Variants in EGLN1 observed in about 807,000 individuals in gnomAD.
EGLN1 encodes egl-9 family hypoxia inducible factor 1.
In EGLN1, 17 loss-of-function variants were observed where a neutral mutation model predicts 38.3. The ratio of observed to expected loss-of-function variants is 0.44; its 90% CI spans 0.30 to 0.67. EGLN1 has a LOEUF of 0.67. Among genes scored for constraint, EGLN1 ranks in the 30% least tolerant of loss-of-function variants. The pLI, the probability that EGLN1 is intolerant of heterozygous loss-of-function variation, is 0.08. For missense variants in EGLN1, 477 were observed against 603.3 expected (o/e 0.79, Z 2.19); for synonymous variants, 283 against 257.5 (o/e 1.10, Z -0.95).
At chr1:231,401,203 T>C (rs1262369312) in intron 1 of EGLN1, among the ~76,000 whole-genome samples, 26 of 152,190 alleles carry the variant, frequency 1.7e-4, no homozygotes, top group Non-Finnish European at 1.5e-5. Flanking sequence ...AATCAAACTA[T>C]CCTGGTTTAC....
chr1:231,369,075 C>A (rs1011077771), intron 3 of EGLN1, among the ~76,000 whole-genome samples: 47 of 152,136 alleles, frequency 3.1e-4, no homozygotes, highest in African/African-American at 9.4e-4. Context: ...AGCCTTATCA[C>A]CCATTCTAGA....
At chr1:231,401,660 G>GT (rs1274859145) in intron 1 of EGLN1, among the ~76,000 whole-genome samples, 2 of 152,122 alleles carry the variant, frequency 1.3e-5, no homozygotes, top group African/African-American at 4.8e-5. Context: ...TAAAAGACTA[G>GT]TTCACTTCAT....
chr1:231,410,533 G>A (rs1347200601), intron 1 of EGLN1, among the ~76,000 whole-genome samples: 12 of 152,152 alleles, frequency 7.9e-5, no homozygotes, highest in Non-Finnish European at 2.9e-5. Flanking sequence ...CATAACAAAT[G>A]TGTGTTGTTT....
chr1:231,409,219 T>C (rs575867438), intron 1 of EGLN1, among the ~76,000 whole-genome samples: 76 of 149,396 alleles, frequency 5.1e-4, no homozygotes, highest in Admixed American at 1.1e-3. Context: ...ACTTAACCTT[T>C]AGAAGTCTTA....
chr1:231,413,402 T>C (rs2102939129), intron 1 of EGLN1, among the ~76,000 whole-genome samples: 1 of 152,260 alleles, frequency 6.6e-6, no homozygotes, highest in South Asian at 2.1e-4. Context: ...CTGTATTTGC[T>C]ATTTAATACC....
intron 1 of EGLN1, among the ~76,000 whole-genome samples, chr1:231,380,057 T>TGA (rs139714070): frequency 0.54 from 82,626 of 151,662 alleles, 24,107 homozygotes; most frequent in Non-Finnish European, 0.65. Context: ...GTTGGAAACT[T>TGA]GTGTGGAACT....
intron 1 of EGLN1, among the ~76,000 whole-genome samples, chr1:231,414,925 G>C (rs980886447): frequency 6.6e-6 from 1 of 151,812 alleles, no homozygotes; most frequent in Non-Finnish European, 1.5e-5. Flanking sequence ...TTTTAGAGAT[G>C]GGTTTCACCA....
At chr1:231,387,446 A>C (rs1173005089) in intron 1 of EGLN1, among the ~76,000 whole-genome samples, 1 of 140,886 alleles carries the variant, frequency 7.1e-6, no homozygotes, top group Non-Finnish European at 1.5e-5. Context: ...TGCAAGCTCC[A>C]CCTCCCGGGT....
At chr1:231,414,704 T>C (rs1383128885) in intron 1 of EGLN1, among the ~76,000 whole-genome samples, 3 of 150,992 alleles carry the variant, frequency 2.0e-5, no homozygotes, top group African/African-American at 2.4e-5. Context: ...AGAGGCCCAG[T>C]GCGATGGCTC....
At chr1:231,376,310 C>G (rs1572022223) in intron 1 of EGLN1, among the ~76,000 whole-genome samples, 1 of 152,166 alleles carries the variant, frequency 6.6e-6, no homozygotes, top group Non-Finnish European at 1.5e-5. Flanking sequence ...ATCCCTTTGT[C>G]CAGCATATCC....
chr1:231,387,102 T>C (rs1293917544), intron 1 of EGLN1, among the ~76,000 whole-genome samples: 1 of 151,560 alleles, frequency 6.6e-6, no homozygotes, highest in African/African-American at 2.4e-5. Flanking sequence ...CACGCAATCC[T>C]CCTGCCTCAG....
At chr1:231,409,537 C>T (rs2102934889) in intron 1 of EGLN1, among the ~76,000 whole-genome samples, 1 of 152,216 alleles carries the variant, frequency 6.6e-6, no homozygotes, top group East Asian at 1.9e-4. Flanking sequence ...CCTCCATCTC[C>T]CCCATCAGAC....
At chr1:231,405,761 T>C (rs946422684) in intron 1 of EGLN1, among the ~76,000 whole-genome samples, 2 of 151,758 alleles carry the variant, frequency 1.3e-5, no homozygotes, top group South Asian at 4.2e-4. Context: ...ATCTCTAGAG[T>C]AGGCACACAT....
chr1:231,393,021 G>A (rs1264043186), intron 1 of EGLN1, among the ~76,000 whole-genome samples: 6 of 152,182 alleles, frequency 3.9e-5, no homozygotes, highest in African/African-American at 1.4e-4. Context: ...GCCAATCAGA[G>A]GCAACTCCAG....
chr1:231,371,182 C>G (rs2486743), intron 2 of EGLN1, among the ~76,000 whole-genome samples: 87,791 of 151,866 alleles, frequency 0.58, 26,109 homozygotes, highest in Non-Finnish European at 0.65. Flanking sequence ...GAGCCACTGT[C>G]CCCAGCCATT....
intron 1 of EGLN1, among the ~76,000 whole-genome samples, chr1:231,416,741 A>G (rs115289012): frequency 0.012 from 1,816 of 152,262 alleles, 31 homozygotes; most frequent in African/African-American, 0.041. Flanking sequence ...CTACACATCA[A>G]CTCACTACAC....
intron 1 of EGLN1, among the ~76,000 whole-genome samples, chr1:231,403,767 CAAAAAAAAAAAAAAA>C (rs1167705317): frequency 5.5e-5 from 1 of 18,302 alleles, no homozygotes; most frequent in East Asian, 2.0e-3. Flanking sequence ...GACTCCATCT[CAAAAAAAAAAAAAAA>C]AAAAAAAAAA....
In EGLN1 at chr1:231,421,320, G is replaced by A. The variant is rs769931960; in HGVS notation, c.569C>T (p.Ala190Val). 66 of 1,612,242 alleles carry A rather than the reference G, an allele frequency of 4.1e-5. No individual in the cohort carries two copies. Among genetic ancestry groups the A allele is most frequent in the Non-Finnish European group, 5.3e-5 (63 of 1,179,656 alleles). ...GATGTACTCGAGCGCCAGCTTCAGC[G>A]CCGGCAGGGGCTTCGTCTGCCCGTT... is the stretch of plus-strand genomic sequence containing the variant. Reference protein sequence around the residue: ...RPNGQTKPLPALKLALEYIVP... With the variant: ...RPNGQTKPLPVLKLALEYIVP... Residue 190 changes from alanine to valine, a missense_variant, in exon 1 of 5, where the codon GCG becomes GTG. Physicochemically the swap from Ala to Val is moderately conservative, Grantham distance 64. Transcript: ENST00000366641. The surrounding 1 kb of genome is among the most constrained non-coding windows in gnomAD (Gnocchi z 5.5).
intron 1 of EGLN1, among the ~76,000 whole-genome samples, chr1:231,374,945 C>T (rs1180829386): frequency 6.6e-6 from 1 of 152,174 alleles, no homozygotes; most frequent in Admixed American, 6.5e-5. Context: ...CACAAAATAA[C>T]TTCCATATTC....
Sources: allele counts gnomAD v4.1 joint callset (sites outside exome capture counted in the v4.1 genomes callset), GRCh38; gene constraint gnomAD v4.1.1; non-coding constraint Gnocchi (gnomAD v3.1); transcripts MANE v1.5; gene names NCBI Gene and HGNC (gene_info 2026-07-23, HGNC 2026-07-21).